CAMK2D: variants seen among roughly 807,000 people sequenced by gnomAD.
CAMK2D encodes calcium/calmodulin dependent protein kinase II delta.
A neutral mutation model predicts 84.0 loss-of-function variants in CAMK2D; 37 were observed. The observed-to-expected ratio is 0.44, with a 90% confidence interval of 0.34 to 0.58. The LOEUF is 0.58. Among genes scored for constraint, CAMK2D ranks in the 20% least tolerant of loss-of-function variants. The probability of loss-of-function intolerance (pLI) is 0.02; values close to 1 mark genes in which losing one functional copy is unlikely to be tolerated. For synonymous variants in CAMK2D, 202 were observed against 212.5 expected (o/e 0.95, Z 0.43); for missense variants, 448 against 652.5 (o/e 0.69, Z 3.41).
At chr4:113,635,392 T>G (rs531927250) in intron 3 of CAMK2D, among the ~76,000 whole-genome samples, 13 of 152,326 alleles carry the variant, frequency 8.5e-5, no homozygotes, top group African/African-American at 3.1e-4. Context: ...GAAATTGTAC[T>G]GCAATTAATG....
chr4:113,678,947 C>G (rs942035978), intron 2 of CAMK2D, among the ~76,000 whole-genome samples: 2 of 152,122 alleles, frequency 1.3e-5, no homozygotes, highest in African/African-American at 4.8e-5. Context: ...CACCCAGAAG[C>G]CTCTCCTACT....
Position 113,753,693 on chromosome 4 carries a change from T to C in CAMK2D, c.160+5627A>G, listed in dbSNP as rs1051939080. ...ACTGTATACTGATAATTACAACAAA[T>C]TTACCATATGAATAACATAACATTT... On this transcript the variant is annotated intron_variant, in intron 2 of 20. Coordinates refer to ENST00000511664, the MANE Select transcript of CAMK2D (RefSeq NM_001321571.2). 1.8e-5 allele frequency: 11 copies of C among 613,186 alleles called. No individual in the cohort carries two copies. In the African/African-American group the frequency reaches 2.2e-4, roughly 12 times the overall value. 38.0% of individuals were successfully genotyped at this position (613,186 alleles called of 1,614,324 possible).
chr4:113,496,597 T>A (rs1441918484), intron 16 of CAMK2D, among the ~76,000 whole-genome samples: 1 of 151,974 alleles, frequency 6.6e-6, no homozygotes, highest in Non-Finnish European at 1.5e-5. Flanking sequence ...TACAGGCGCG[T>A]ACCACAGTGC....
At chr4:113,529,033 G>T (rs1475610798) in intron 8 of CAMK2D, among the ~76,000 whole-genome samples, 4 of 152,128 alleles carry the variant, frequency 2.6e-5, no homozygotes, top group African/African-American at 9.7e-5. Flanking sequence ...ATTGTCAATT[G>T]TCTTCCTTTA....
At chr4:113,476,886 A>G (rs779119544) in intron 16 of CAMK2D, among the ~76,000 whole-genome samples, 2 of 151,940 alleles carry the variant, frequency 1.3e-5, no homozygotes, top group African/African-American at 2.4e-5. Flanking sequence ...CGGTCCTGCA[A>G]CCCCCACCCA....
intron 2 of CAMK2D, among the ~76,000 whole-genome samples, chr4:113,758,638 A>G (rs1481378869): frequency 2.0e-5 from 3 of 152,174 alleles, no homozygotes; most frequent in Non-Finnish European, 4.4e-5. Context: ...TACTAAATAA[A>G]AAGAATGCAG....
chr4:113,680,277 T>A (rs1418071486), intron 2 of CAMK2D, among the ~76,000 whole-genome samples: 1 of 152,162 alleles, frequency 6.6e-6, no homozygotes, highest in Non-Finnish European at 1.5e-5. Context: ...TCAGGAAGCA[T>A]GAGAAACAAC....
At chr4:113,583,689 A>C (rs981537927) in intron 4 of CAMK2D, among the ~76,000 whole-genome samples, 18 of 152,208 alleles carry the variant, frequency 1.2e-4, no homozygotes, top group African/African-American at 4.3e-4. Flanking sequence ...TAAAATTTCT[A>C]GTTTAACTTA....
intron 8 of CAMK2D, among the ~76,000 whole-genome samples, chr4:113,522,991 C>T (rs958270750): frequency 2.0e-5 from 3 of 152,070 alleles, no homozygotes; most frequent in African/African-American, 7.2e-5. Flanking sequence ...TGAACAGGAA[C>T]AGCACCCTTT....
At chr4:113,487,812 TAAC>T (rs1431604185) in intron 16 of CAMK2D, among the ~76,000 whole-genome samples, 1 of 152,028 alleles carries the variant, frequency 6.6e-6, no homozygotes, top group Non-Finnish European at 1.5e-5. Flanking sequence ...TTTATATTAT[TAAC>T]ATCTAATTGT....
chr4:113,679,103 C>T (rs1320799197), intron 2 of CAMK2D, among the ~76,000 whole-genome samples: 1 of 151,962 alleles, frequency 6.6e-6, no homozygotes, highest in African/African-American at 2.4e-5. Context: ...GAACACATTC[C>T]ACTCACCTAA....
At chr4:113,564,296 C>A (rs2154214184) in intron 4 of CAMK2D, among the ~76,000 whole-genome samples, 1 of 152,226 alleles carries the variant, frequency 6.6e-6, no homozygotes, top group African/African-American at 2.4e-5. Flanking sequence ...CTTTTTAATT[C>A]CACACCAATT....
chr4:113,635,446 T>C (rs1272102863), intron 3 of CAMK2D, among the ~76,000 whole-genome samples: 1 of 152,182 alleles, frequency 6.6e-6, no homozygotes, highest in Non-Finnish European at 1.5e-5. Flanking sequence ...CTAATCCTTA[T>C]AACAATGTGA....
chr4:113,580,924 G>C (rs924644844), intron 4 of CAMK2D, among the ~76,000 whole-genome samples: 61 of 115,092 alleles, frequency 5.3e-4, no homozygotes, highest in African/African-American at 1.9e-3. Flanking sequence ...GGGGTAGGGT[G>C]GGGGGAGGGA....
chr4:113,531,156 G>A, intron 8 of CAMK2D, 60 bp downstream of exon 8: 1 of 839,324 alleles, frequency 1.2e-6, no homozygotes. Context: ...TGTTATAGCA[G>A]ACCAAATGGA....
intron 2 of CAMK2D, among the ~76,000 whole-genome samples, chr4:113,684,347 T>C (rs1279528395): frequency 6.6e-6 from 1 of 152,228 alleles, no homozygotes; most frequent in Non-Finnish European, 1.5e-5. Flanking sequence ...CACATGTATG[T>C]ATGCATGTGT....
chr4:113,609,205 C>A lies in CAMK2D; in HGVS notation c.222G>T (p.Val74=). 1 of 1,571,796 alleles carries A rather than the reference C, an allele frequency of 6.4e-7. No individual in the cohort carries two copies. Among genetic ancestry groups the A allele is most frequent in the Non-Finnish European group, 8.8e-7 (1 of 1,141,896 alleles). ...CTTCTGATATGCTATCATGAAGTCG[C>A]ACTAGAAAAAAATAAGAGAAGAAAA... ...ICRLLKHPNI[V]RLHDSISEEG... is the part of the protein sequence containing the mutation. Residue 74 remains valine (V), a splice_region_variant and synonymous_variant, in exon 4 of 21, where the codon GTG becomes GTT. Transcript: ENST00000511664.
intron 12 of CAMK2D, among the ~76,000 whole-genome samples, chr4:113,512,527 T>A (rs1219364050): frequency 6.6e-6 from 1 of 152,208 alleles, no homozygotes; most frequent in African/African-American, 2.4e-5. Context: ...ACTATACTTT[T>A]GAATGAACTT....
chr4:113,758,153 A>G (rs565933864), intron 2 of CAMK2D, among the ~76,000 whole-genome samples: 1 of 152,272 alleles, frequency 6.6e-6, no homozygotes, highest in Admixed American at 6.5e-5. Flanking sequence ...AGAGACTAAG[A>G]GAACATAATT....
Sources: allele counts gnomAD v4.1 joint callset (sites outside exome capture counted in the v4.1 genomes callset), GRCh38; gene constraint gnomAD v4.1.1; transcripts MANE v1.5; gene names NCBI Gene and HGNC (gene_info 2026-07-23, HGNC 2026-07-21).